KIF27: variants seen among roughly 807,000 people sequenced by gnomAD.
KIF27 encodes the protein kinesin-like protein KIF27.
Under a neutral mutation model 141.8 loss-of-function variants are expected in KIF27, and 84 were observed. That is an observed-to-expected ratio of 0.59 (90% CI 0.50 to 0.71). KIF27 has a LOEUF of 0.71. Ranked by LOEUF, KIF27 falls within the 30% of genes least tolerant of loss-of-function variation. KIF27 has a pLI of 0.00. For synonymous variants in KIF27, 471 were observed against 569.5 expected (o/e 0.83, Z 2.46); for missense variants, 1,306 against 1,628.4 (o/e 0.80, Z 3.41).
chr9:83,864,113 T>G lies in KIF27; in HGVS notation c.2934+3571A>C, dbSNP rs186419750. On this transcript the variant is annotated intron_variant, in intron 13 of 17. Transcript: ENST00000297814. ...TAGCAGTCCATCAATTTTCTTGATC[T>G]CAAAAAACCAGCTCCTTGATTCACT... 6.6e-4 allele frequency among the ~76,000 whole-genome samples: 101 copies of G among 152,052 alleles called. 1 individual carries two copies. Among genetic ancestry groups the G allele is most frequent in the Non-Finnish European group, 1.1e-3 (75 of 67,904 alleles).
At chr9:83,851,607 T>G (rs1158505981) in intron 15 of KIF27, among the ~76,000 whole-genome samples, 1 of 152,102 alleles carries the variant, frequency 6.6e-6, no homozygotes, top group African/African-American at 2.4e-5. Context: ...CCTACTGCCT[T>G]GGTGTCCCAA....
chr9:83,874,108 A>T (rs568495340), intron 11 of KIF27, among the ~76,000 whole-genome samples: 1 of 152,150 alleles, frequency 6.6e-6, no homozygotes, highest in South Asian at 2.1e-4. Context: ...GTTGCTCCAG[A>T]CAATGCCTTT....
chr9:83,894,175 G>C (rs1952945403), intron 5 of KIF27, among the ~76,000 whole-genome samples: 3 of 152,166 alleles, frequency 2.0e-5, no homozygotes, highest in Admixed American at 2.0e-4. Flanking sequence ...AAACATTTAA[G>C]AAAGAAATAA....
intron 5 of KIF27, among the ~76,000 whole-genome samples, chr9:83,898,484 G>C (rs1426503789): frequency 6.6e-6 from 1 of 152,166 alleles, no homozygotes; most frequent in Non-Finnish European, 1.5e-5. Flanking sequence ...CAAGAGAGTG[G>C]CTCTCTGAGG....
chr9:83,872,380 T>C (rs1398060996), intron 11 of KIF27, among the ~76,000 whole-genome samples: 2 of 152,180 alleles, frequency 1.3e-5, no homozygotes, highest in Non-Finnish European at 2.9e-5. Flanking sequence ...AGAAATGATG[T>C]TGTCCATCAC....
intron 16 of KIF27, among the ~76,000 whole-genome samples, chr9:83,846,351 C>T (rs1564278325): frequency 6.6e-6 from 1 of 152,176 alleles, no homozygotes; most frequent in Non-Finnish European, 1.5e-5. Context: ...GTGCCTTATC[C>T]ACTGTCATGG....
In KIF27 at chr9:83,859,337, C is replaced by A. The variant is rs146715557; in HGVS notation, c.2969G>T (p.Arg990Leu). 163 of 1,613,968 alleles carry A rather than the reference C, an allele frequency of 1.0e-4. No homozygotes were observed. The highest frequency in any genetic ancestry group is 1.2e-4 in the Admixed American group (7 of 60,004). ...CAACTCTTGTTCCAGTAAGTTCAGG[C>A]GAGTTGATATTTTCAAACTATCTGT... The part of the protein sequence containing the change: ...LNTDSLKIST[R>L]LNLLEQELSE... The change falls in exon 14 of 18, where the codon CGC becomes CTC. Residue 990 changes from arginine (R) to leucine (L), a missense_variant. Coordinates refer to ENST00000297814, the MANE Select transcript of KIF27 (RefSeq NM_017576.4).
rs888073995 is a variant in KIF27, at chr9:83,903,364, C to T, written c.1154G>A (p.Arg385Gln). 4 of 1,613,994 alleles carry T rather than the reference C, an allele frequency of 2.5e-6. No homozygotes were observed. The highest frequency in any genetic ancestry group is 2.2e-5 in the South Asian group (2 of 91,080). The change falls in exon 4 of 18, where the codon CGA becomes CAA. Residue 385 changes from arginine to glutamine, a missense_variant. Arg to Gln is a conservative substitution (Grantham distance 43, BLOSUM62 1). This residue lies in a region of KIF27 where 533 missense variants were observed against 565.6 expected (regional missense o/e 0.94). Coordinates refer to ENST00000297814, the MANE Select transcript of KIF27 (RefSeq NM_017576.4). ...CCTATTTGTATCAGGACTCCCTTCTCGATTGATCTGGGTAGTTTGGCTGAC... is the reference window on the plus strand; with the variant it reads ...CCTATTTGTATCAGGACTCCCTTCTTGATTGATCTGGGTAGTTTGGCTGAC... The part of the protein sequence containing the change: ...AGVSQTTQIN[R>Q]EGSPDTNRIH...
intron 11 of KIF27, among the ~76,000 whole-genome samples, chr9:83,877,161 A>G (rs1013700544): frequency 2.0e-5 from 3 of 152,200 alleles, no homozygotes; most frequent in East Asian, 1.9e-4. Context: ...TCAAGCTAAC[A>G]TATTTATCTC....
chr9:83,865,549 G>T (rs1054289611), intron 13 of KIF27, among the ~76,000 whole-genome samples: 1 of 152,074 alleles, frequency 6.6e-6, no homozygotes, highest in African/African-American at 2.4e-5. Flanking sequence ...TGCCCGCCTT[G>T]GCCTCCCAAA....
intron 14 of KIF27, among the ~76,000 whole-genome samples, chr9:83,857,700 C>T (rs1183735978): frequency 6.6e-6 from 1 of 152,168 alleles, no homozygotes; most frequent in Non-Finnish European, 1.5e-5. Context: ...GATGTTCTGT[C>T]TAAAACGGAC....
At chr9:83,854,368 A>T (rs1948951172) in intron 14 of KIF27, among the ~76,000 whole-genome samples, 1 of 152,164 alleles carries the variant, frequency 6.6e-6, no homozygotes, top group Non-Finnish European at 1.5e-5. Context: ...ATAAGTTATT[A>T]AGAACTAGTA....
At chr9:83,886,829 C>A (rs1952151496) in intron 9 of KIF27, among the ~76,000 whole-genome samples, 1 of 152,106 alleles carries the variant, frequency 6.6e-6, no homozygotes, top group Non-Finnish European at 1.5e-5. Flanking sequence ...AGAGTTCACA[C>A]CAGTTAGAAC....
chr9:83,919,086 A>G (rs983295650), intron 1 of KIF27, among the ~76,000 whole-genome samples: 3 of 152,114 alleles, frequency 2.0e-5, no homozygotes, highest in Non-Finnish European at 2.9e-5. Context: ...ACAAACAAAC[A>G]AACAAACAAC....
At chr9:83,879,957 T>C (rs1407273524) in intron 11 of KIF27, among the ~76,000 whole-genome samples, 3 of 152,210 alleles carry the variant, frequency 2.0e-5, no homozygotes, top group South Asian at 2.1e-4. Flanking sequence ...TCAAAGCACT[T>C]TGAAAACAGA....
At chr9:83,838,637 A>C (rs1332596036) in intron 17 of KIF27, 1 of 152,236 alleles carries the variant, frequency 6.6e-6, no homozygotes, top group Non-Finnish European at 1.5e-5. Flanking sequence ...AATGTTAGTA[A>C]TACTTGACCC....
Position 83,903,845 on chromosome 9 carries a change from C to G in KIF27, c.673G>C (p.Ala225Pro). The change falls in exon 4 of 18, where the codon GCT (alanine) becomes CCT (proline). Residue 225 changes from alanine to proline, a missense_variant. Transcript: ENST00000297814. ...ICQVHKNMEA[A>P]EDGSWYSPRH... ...GGGGAATACCATGATCCATCTTCAG[C>G]TGCCTCCATATTTTTATGAACTTGA... 1.2e-6 allele frequency: 2 copies of G among 1,614,156 alleles called. No individual in the cohort carries two copies.
In KIF27 at chr9:83,880,481, T is replaced by C. The variant is rs754596155; in HGVS notation, c.2459A>G (p.Lys820Arg). 1.9e-6 allele frequency: 3 copies of C among 1,610,242 alleles called. No individual in the cohort carries two copies. Among genetic ancestry groups the C allele is most frequent in the East Asian group, 2.2e-5 (1 of 44,884 alleles). The change falls in exon 11 of 18, where the codon AAG becomes AGG. Residue 820 changes from lysine to arginine, a missense_variant. This residue lies in a region of KIF27 where 596 missense variants were observed against 751.6 expected (regional missense o/e 0.79). Coordinates refer to ENST00000297814, the MANE Select transcript of KIF27 (RefSeq NM_017576.4). ...AKLRVQVLQK[K>R]QQDSKKLASL... is the part of the protein sequence containing the mutation. Reference sequence around the variant, plus strand: ...TGCCAGTTTCTTACTATCTTGTTGCTTCTTCTGCAAGACCTGAGATCATAT... The same window carrying C: ...TGCCAGTTTCTTACTATCTTGTTGCCTCTTCTGCAAGACCTGAGATCATAT...
At chr9:83,890,398 A>T (rs1161580356) in intron 6 of KIF27, among the ~76,000 whole-genome samples, 1 of 152,188 alleles carries the variant, frequency 6.6e-6, no homozygotes, top group Non-Finnish European at 1.5e-5. Context: ...AACGTACTAG[A>T]CATGGCTATT....
Sources: gnomAD v4.1 joint callset for allele counts (sites outside exome capture counted in the v4.1 genomes callset) on GRCh38, gnomAD v4.1.1 for gene constraint, gnomAD v4.1.1 regional missense constraint, MANE v1.5 for transcripts, NCBI Gene and HGNC (gene_info 2026-07-23, HGNC 2026-07-21) for gene names.